The following KAZN variants were observed in gnomAD, a reference collection of about 807,000 sequenced individuals.
The protein encoded by KAZN is kazrin, periplakin interacting protein.
Under a neutral mutation model 87.4 loss-of-function variants are expected in KAZN, and 40 were observed. The ratio of observed to expected loss-of-function variants is 0.46; its 90% CI spans 0.36 to 0.60. The LOEUF (loss-of-function observed/expected upper bound fraction) is 0.60, where lower values mean the gene tolerates loss of function less well. KAZN is among the 20% of genes least tolerant of loss of function. KAZN has a pLI of 0.00. For synonymous variants in KAZN, 466 were observed against 458.3 expected (o/e 1.02, Z -0.22); for missense variants, 898 against 1,073.9 (o/e 0.84, Z 2.29).
intron 2 of KAZN, among the ~76,000 whole-genome samples, chr1:14,448,779 C>A (rs1051825522): frequency 5.9e-5 from 9 of 152,204 alleles, no homozygotes; most frequent in African/African-American, 1.9e-4. Flanking sequence ...AAACAAGACG[C>A]CTGACTCCCT....
chr1:14,166,656 A>G (rs1645833150), intron 1 of KAZN, among the ~76,000 whole-genome samples: 1 of 152,216 alleles, frequency 6.6e-6, no homozygotes, highest in African/African-American at 2.4e-5. Context: ...GGGTTTTGGT[A>G]AATTTTGTAC....
chr1:14,505,883 A>G (rs1670558927), intron 2 of KAZN, among the ~76,000 whole-genome samples: 1 of 152,116 alleles, frequency 6.6e-6, no homozygotes, highest in African/African-American at 2.4e-5. Context: ...ATGAGGCAGG[A>G]GAATCGATTG....
intron 2 of KAZN, among the ~76,000 whole-genome samples, chr1:14,218,901 T>C (rs1418093801): frequency 1.5e-4 from 2 of 13,474 alleles, no homozygotes; most frequent in African/African-American, 1.6e-3. Flanking sequence ...ATCTAGGCAT[T>C]GTACATTTGC....
At chr1:14,300,294 T>C (rs1290846222) in intron 2 of KAZN, among the ~76,000 whole-genome samples, 1 of 151,990 alleles carries the variant, frequency 6.6e-6, no homozygotes, top group Admixed American at 6.6e-5. Flanking sequence ...GAGTCTTACA[T>C]AATTACGGCT....
At chr1:14,994,211 C>T (rs922417847) in intron 2 of KAZN, among the ~76,000 whole-genome samples, 2 of 152,234 alleles carry the variant, frequency 1.3e-5, no homozygotes, top group African/African-American at 4.8e-5. Flanking sequence ...TGGCTGCAGG[C>T]CGTGGCCCTT....
intron 1 of KAZN, among the ~76,000 whole-genome samples, chr1:14,871,755 G>T (rs1020821695): frequency 6.6e-6 from 1 of 151,690 alleles, no homozygotes; most frequent in Non-Finnish European, 1.5e-5. Flanking sequence ...AGGCCTGAAG[G>T]CATAGTATCC....
chr1:14,101,881 T>C (rs1034609981), intron 1 of KAZN, among the ~76,000 whole-genome samples: 2 of 152,212 alleles, frequency 1.3e-5, no homozygotes, highest in Admixed American at 6.5e-5. Flanking sequence ...ACCTAAATGA[T>C]AGCTTGGCCC....
At position 14,358,675 on chromosome 1, in the gene KAZN, T is replaced by C. The variant is rs546782371; in HGVS notation, c.249+178083T>C. Among the ~76,000 whole-genome samples the C allele has an allele frequency of 3.5e-4, 53 of 152,358 alleles. 1 individual carries two copies. The East Asian group carries it at 8.7e-3, about 25-fold the overall frequency. On this transcript the variant is annotated intron_variant, in intron 2 of 16. Coordinates refer to the KAZN transcript ENST00000636203. The stretch of plus-strand genomic sequence containing the variant: ...CTTATTTATTTCTGCCTTAATTTTG[T>C]TATTTACCCAGTAGTCATTCAGGAG...
intron 1 of KAZN, among the ~76,000 whole-genome samples, chr1:14,868,925 G>A (rs557887754): frequency 1.8e-3 from 267 of 151,984 alleles, no homozygotes; most frequent in Non-Finnish European, 3.0e-3. Context: ...CGGGGTTGGC[G>A]GGGGGGTGCA....
chr1:14,303,772 T>C (rs1654730341), intron 2 of KAZN, among the ~76,000 whole-genome samples: 1 of 152,226 alleles, frequency 6.6e-6, no homozygotes, highest in African/African-American at 2.4e-5. Context: ...AAGTCTTTTT[T>C]AGGCATCTCC....
At chr1:14,947,384 C>T (rs536361970) in intron 1 of KAZN, among the ~76,000 whole-genome samples, 4 of 152,290 alleles carry the variant, frequency 2.6e-5, no homozygotes, top group African/African-American at 9.6e-5. Context: ...CCCCTGGGTA[C>T]CTCCCTTCAG....
At chr1:15,039,991 G>T (rs1286613243) in intron 3 of KAZN, among the ~76,000 whole-genome samples, 1 of 152,224 alleles carries the variant, frequency 6.6e-6, no homozygotes, top group Non-Finnish European at 1.5e-5. Flanking sequence ...TTAATACTAA[G>T]ATATGAATAT....
intron 2 of KAZN, among the ~76,000 whole-genome samples, chr1:14,320,792 G>C (rs1655993434): frequency 6.6e-6 from 1 of 152,152 alleles, no homozygotes; most frequent in Non-Finnish European, 1.5e-5. Context: ...GAAGCTTCCA[G>C]CTACAAAGTC....
intron 1 of KAZN, among the ~76,000 whole-genome samples, chr1:14,032,799 G>T (rs1446357776): frequency 6.6e-6 from 1 of 152,126 alleles, no homozygotes; most frequent in East Asian, 1.9e-4. Flanking sequence ...TATGATCTTG[G>T]TAATGATGAG....
chr1:14,407,452 A>T (rs1458921762), intron 2 of KAZN, among the ~76,000 whole-genome samples: 2 of 152,166 alleles, frequency 1.3e-5, no homozygotes, highest in Admixed American at 1.3e-4. Context: ...GGGGGGAAAA[A>T]GAGGGATATG....
chr1:14,694,843 T>C (rs1641508277), intron 1 of KAZN, among the ~76,000 whole-genome samples: 1 of 152,166 alleles, frequency 6.6e-6, no homozygotes, highest in Non-Finnish European at 1.5e-5. Context: ...CGGTAATTGT[T>C]GGGTTTGTTA....
intron 2 of KAZN, among the ~76,000 whole-genome samples, chr1:14,309,389 A>C (rs945285256): frequency 2.6e-5 from 4 of 152,180 alleles, no homozygotes; most frequent in Admixed American, 2.6e-4. Flanking sequence ...ATATTTTTTC[A>C]GTTACTACAG....
At chr1:14,265,362 T>A (rs35964539) in intron 2 of KAZN, among the ~76,000 whole-genome samples, 32,608 of 152,106 alleles carry the variant, frequency 0.21, 3,964 homozygotes, top group Middle Eastern at 0.38. Context: ...CCAAGATTGT[T>A]ATACCACCTA....
chr1:14,339,640 G>C (rs912244912), intron 2 of KAZN, among the ~76,000 whole-genome samples: 2 of 152,192 alleles, frequency 1.3e-5, no homozygotes, highest in African/African-American at 4.8e-5. Context: ...GGGGAAGTCA[G>C]CCTTTTGTTT....
Sources: gnomAD v4.1 joint callset for allele counts (sites outside exome capture counted in the v4.1 genomes callset) on GRCh38, gnomAD v4.1.1 for gene constraint, MANE v1.5 for transcripts, NCBI Gene and HGNC (gene_info 2026-07-23, HGNC 2026-07-21) for gene names.